Variants in TMEM87A observed in about 807,000 individuals in gnomAD.
TMEM87A encodes the protein Golgi-pH regulating cation channel.
TMEM87A carries 50 observed loss-of-function variants against 90.0 expected under a neutral mutation model. That is an observed-to-expected ratio of 0.56 (90% confidence interval 0.44 to 0.70). TMEM87A has a LOEUF of 0.70. Ranked by LOEUF, TMEM87A falls within the 30% of genes least tolerant of loss-of-function variation. The pLI is 0.00. For missense variants in TMEM87A, 577 were observed against 660.5 expected (o/e 0.87, Z 1.39); for synonymous variants, 226 against 226.7 (o/e 1.00, Z 0.03).
At chr15:42,250,689 C>T (rs970218256) in intron 6 of TMEM87A, among the ~76,000 whole-genome samples, 1 of 152,144 alleles carries the variant, frequency 6.6e-6, no homozygotes, top group Non-Finnish European at 1.5e-5. Flanking sequence ...TTCATTTCAA[C>T]CTTGGTGAAT....
At chr15:42,226,624 G>T in intron 15 of TMEM87A, 182 bp downstream of exon 15, 1 of 577,642 alleles carries the variant, frequency 1.7e-6, no homozygotes, top group South Asian at 2.3e-5. Flanking sequence ...AGGTGGAGAG[G>T]CTGCATGCCA....
chr15:42,258,620 T>A (rs1160062492), intron 6 of TMEM87A: 1 of 692,942 alleles, frequency 1.4e-6, no homozygotes, highest in African/African-American at 1.9e-5. Flanking sequence ...AAAGACAAAG[T>A]TTCACCACAT....
In TMEM87A at chr15:42,244,875, A is replaced by G. The variant is rs936003020; in HGVS notation, c.505-708T>C. On this transcript the variant is annotated intron_variant, in intron 6 of 19. Transcript: ENST00000389834. Reference sequence around the variant, plus strand: ...TGGTTTCTTCTTCCTTGGAATTGCAATTTACTACCATCTGTTCTTAAAAGG... The same window carrying G: ...TGGTTTCTTCTTCCTTGGAATTGCAGTTTACTACCATCTGTTCTTAAAAGG... Among the ~76,000 whole-genome samples the G allele has an allele frequency of 4.6e-5, 7 of 151,114 alleles. No individual in the cohort carries two copies. The East Asian group carries it at 1.2e-3, about 26-fold the overall frequency.
At chr15:42,261,058 C>T in intron 5 of TMEM87A, 56 bp from the exon 6 acceptor site, 2 of 1,566,602 alleles carry the variant, frequency 1.3e-6, no homozygotes, top group Non-Finnish European at 8.7e-7. Flanking sequence ...TTTTTAGCTG[C>T]CCAAGTTCCT....
At chr15:42,243,514 T>A (rs2050913100) in intron 7 of TMEM87A, among the ~76,000 whole-genome samples, 1 of 138,238 alleles carries the variant, frequency 7.2e-6, no homozygotes, top group East Asian at 2.0e-4. Flanking sequence ...GTTAATTAAT[T>A]TTTTTTTTTT....
At chr15:42,215,764 T>C (rs901682716) in intron 19 of TMEM87A, among the ~76,000 whole-genome samples, 8 of 152,048 alleles carry the variant, frequency 5.3e-5, no homozygotes, top group Non-Finnish European at 1.0e-4. Context: ...AGAAAGAAAT[T>C]GGAACCCCTG....
At chr15:42,259,257 G>A (rs1012327672) in intron 6 of TMEM87A, among the ~76,000 whole-genome samples, 25 of 152,102 alleles carry the variant, frequency 1.6e-4, no homozygotes, top group African/African-American at 5.6e-4. Context: ...CAAGTAGCTG[G>A]GATTACAGGC....
At chr15:42,218,202 ATTCTT>A in intron 18 of TMEM87A, 116 bp downstream of exon 18, 2 of 992,772 alleles carry the variant, frequency 2.0e-6, no homozygotes, top group Non-Finnish European at 1.5e-6. Context: ...GATTATTCCT[ATTCTT>A]TTAATTATTT....
intron 11 of TMEM87A, chr15:42,231,777 G>A (rs1239228702): frequency 2.5e-6 from 2 of 791,318 alleles, no homozygotes; most frequent in Non-Finnish European, 3.4e-6. Context: ...GTTTCCAGGA[G>A]TTTATATAGA....
Position 42,267,959 on chromosome 15 carries a change from G to C in TMEM87A, c.279C>G (p.Ile93Met). Residue 93 changes from isoleucine to methionine, a missense_variant, in exon 3 of 20, where the codon ATC becomes ATG. Physicochemically the swap from Ile to Met is conservative, Grantham distance 10. Coordinates refer to ENST00000389834, the MANE Select transcript of TMEM87A (RefSeq NM_015497.5). The part of the protein sequence containing the change: ...YLKSADCYNE[I>M]YNFKAEEVEL... Reference sequence around the variant, plus strand: ...TTATGTTCCTTACCTTGAAGTTATAGATTTCATTGTAACAATCAGCGCTTT... The same window carrying C: ...TTATGTTCCTTACCTTGAAGTTATACATTTCATTGTAACAATCAGCGCTTT... 1.2e-6 allele frequency: 2 copies of C among 1,612,778 alleles called. No individual in the cohort carries two copies. The highest frequency in any genetic ancestry group is 1.7e-6 in the Non-Finnish European group (2 of 1,179,358).
At chr15:42,235,661 A>G (rs2050756725) in intron 10 of TMEM87A, among the ~76,000 whole-genome samples, 1 of 152,206 alleles carries the variant, frequency 6.6e-6, no homozygotes, top group Non-Finnish European at 1.5e-5. Context: ...TCCCTTGGGT[A>G]TACATATAGC....
At chr15:42,229,593 A>G (rs2052609528) in intron 12 of TMEM87A, among the ~76,000 whole-genome samples, 1 of 111,412 alleles carries the variant, frequency 9.0e-6, no homozygotes, top group East Asian at 2.6e-4. Flanking sequence ...ACTCGTGCCT[A>G]TAATCTCCCA....
intron 7 of TMEM87A, among the ~76,000 whole-genome samples, chr15:42,241,514 A>C (rs2140947963): frequency 6.6e-6 from 1 of 152,352 alleles, no homozygotes; most frequent in African/African-American, 2.4e-5. Flanking sequence ...GACATAAGGC[A>C]GCAAAAGGTA....
intron 8 of TMEM87A, among the ~76,000 whole-genome samples, chr15:42,239,160 C>T (rs1469088166): frequency 1.3e-5 from 2 of 152,128 alleles, no homozygotes; most frequent in African/African-American, 4.8e-5. Flanking sequence ...TCTGCTTTAG[C>T]CTCCCGAGTA....
intron 6 of TMEM87A, chr15:42,258,785 C>T: frequency 6.9e-7 from 1 of 1,441,868 alleles, no homozygotes; most frequent in Non-Finnish European, 9.1e-7. Flanking sequence ...AACTTACATT[C>T]AGTTAAAATT....
rs2050289784 is a variant in TMEM87A, at chr15:42,211,674, GGT to G, written c.*32_*33del. On this transcript the variant is annotated 3_prime_UTR_variant, in exon 20 of 20. Transcript: ENST00000389834. ...CACAGATGCTGATCTCTTCCCTGATGGTAGCCATCTTTAACTGCAAATCTTCC... is the reference window on the plus strand; with the variant it reads ...CACAGATGCTGATCTCTTCCCTGATGAGCCATCTTTAACTGCAAATCTTCC... 6.2e-7 allele frequency: 1 copy of G among 1,604,714 alleles called. No homozygotes were observed.
intron 10 of TMEM87A, among the ~76,000 whole-genome samples, chr15:42,234,238 CT>C (rs2050736085): frequency 6.6e-6 from 1 of 152,218 alleles, no homozygotes; most frequent in African/African-American, 2.4e-5. Flanking sequence ...TGAGCAACTT[CT>C]GTTTGAAGGA....
At chr15:42,235,679 C>A (rs1428121479) in intron 10 of TMEM87A, among the ~76,000 whole-genome samples, 2 of 152,190 alleles carry the variant, frequency 1.3e-5, no homozygotes, top group Admixed American at 1.3e-4. Flanking sequence ...AGCTCCCTCA[C>A]CTCCTTGAAG....
At chr15:42,216,861 C>A (rs910363977) in intron 19 of TMEM87A, among the ~76,000 whole-genome samples, 5 of 150,752 alleles carry the variant, frequency 3.3e-5, no homozygotes, top group South Asian at 2.1e-4. Flanking sequence ...TGAAAAAAAA[C>A]AAAACAAAAA....
Sources: allele counts gnomAD v4.1 joint callset (sites outside exome capture counted in the v4.1 genomes callset), GRCh38; gene constraint gnomAD v4.1.1; transcripts MANE v1.5; gene names NCBI Gene and HGNC (gene_info 2026-07-23, HGNC 2026-07-21).